The following MTA3 variants were observed in gnomAD, a reference collection of about 807,000 sequenced individuals.
MTA3 encodes the protein metastasis-associated protein MTA3.
Under a neutral mutation model 83.5 loss-of-function variants are expected in MTA3, and 34 were observed. The observed-to-expected ratio is 0.41, with a 90% CI of 0.31 to 0.54. MTA3 has a LOEUF of 0.54. Among genes scored for constraint, MTA3 ranks in the 20% least tolerant of loss-of-function variants. MTA3 has a pLI of 0.33. For synonymous variants in MTA3, 303 were observed against 252.7 expected (o/e 1.20, Z -1.89); for missense variants, 761 against 726.4 (o/e 1.05, Z -0.55).
chr2:42,554,270 A>G (rs1677274422), intron 2 of MTA3, among the ~76,000 whole-genome samples: 1 of 152,116 alleles, frequency 6.6e-6, no homozygotes, highest in Non-Finnish European at 1.5e-5. Flanking sequence ...TTATCTATTC[A>G]TGCCTACCTC....
chr2:42,628,687 T>C (rs1686368762), intron 4 of MTA3, among the ~76,000 whole-genome samples: 1 of 151,928 alleles, frequency 6.6e-6, no homozygotes, highest in Non-Finnish European at 1.5e-5. Context: ...GCTCACTGAA[T>C]AAAAATACCA....
At chr2:42,505,123 G>GTGA (rs1027805371) in intron 2 of MTA3, among the ~76,000 whole-genome samples, 2 of 152,286 alleles carry the variant, frequency 1.3e-5, no homozygotes, top group East Asian at 3.9e-4. Flanking sequence ...GTGGGACGTG[G>GTGA]TGACTCATGA....
rs774928302 is a variant in MTA3, at chr2:42,708,962, C to A, written c.1391C>A (p.Thr464Asn). The A allele has an allele frequency of 5.8e-5, 93 of 1,614,034 alleles. No homozygotes were observed. The South Asian group carries it at 9.8e-4, about 17-fold the overall frequency. Residue 464 changes from threonine to asparagine, a missense_variant, in exon 14 of 17, where the codon ACC (threonine) becomes AAC (asparagine). Transcript: ENST00000405094. ...NTGSPKSAVK[T>N]RQAFFLHTTY... ...GGGAGTCCAAAGTCTGCAGTGAAGA[C>A]CCGCCAAGCTTTCTTCCTTCATACT... is the stretch of plus-strand genomic sequence containing the variant.
At chr2:42,589,808 A>G (rs147276958) in intron 3 of MTA3, among the ~76,000 whole-genome samples, 1 of 152,106 alleles carries the variant, frequency 6.6e-6, no homozygotes, top group South Asian at 2.1e-4. Flanking sequence ...AAACTTTTTG[A>G]TATCTGGGTT....
At chr2:42,743,021 C>T (rs10175423) in intron 16 of MTA3, among the ~76,000 whole-genome samples, 45,429 of 151,974 alleles carry the variant, frequency 0.3, 7,196 homozygotes, top group East Asian at 0.57. Context: ...GAAGGACTCA[C>T]TTAGCTCCCT....
chr2:42,747,244 C>G (rs913540274), intron 16 of MTA3, among the ~76,000 whole-genome samples: 8 of 152,140 alleles, frequency 5.3e-5, no homozygotes, highest in African/African-American at 1.4e-4. Flanking sequence ...AGGTTATCCG[C>G]CCACCTCAGC....
chr2:42,674,256 G>A (rs1414108081), intron 8 of MTA3, among the ~76,000 whole-genome samples: 2 of 152,252 alleles, frequency 1.3e-5, no homozygotes, highest in African/African-American at 2.4e-5. Flanking sequence ...CTCCTGTGGA[G>A]GTGTGGGGGA....
At chr2:42,596,536 G>A (rs1209179750) in intron 3 of MTA3, among the ~76,000 whole-genome samples, 2 of 152,074 alleles carry the variant, frequency 1.3e-5, no homozygotes, top group Non-Finnish European at 2.9e-5. Context: ...TTTATTATTT[G>A]ACAAGTTAAT....
At chr2:42,648,441 T>C (rs947627285) in intron 6 of MTA3, among the ~76,000 whole-genome samples, 3 of 152,204 alleles carry the variant, frequency 2.0e-5, no homozygotes, top group Non-Finnish European at 2.9e-5. Flanking sequence ...GGAATTAATA[T>C]CTTGGGTAGG....
At chr2:42,667,737 T>C (rs1339149762) in intron 8 of MTA3, among the ~76,000 whole-genome samples, 1 of 151,746 alleles carries the variant, frequency 6.6e-6, no homozygotes, top group Non-Finnish European at 1.5e-5. Flanking sequence ...TGGGCTCAAG[T>C]GATCCTCCTA....
chr2:42,568,648 G>T lies in MTA3; in HGVS notation c.-98G>T. 5.6e-6 allele frequency: 4 copies of T among 713,308 alleles called. No homozygotes were observed. The South Asian group carries it at 1.9e-4, about 34-fold the overall frequency. The allele number at this position is 713,308 out of a possible 1,614,324, so 44.2% of individuals were successfully genotyped here. A position where few individuals can be genotyped will look rare whatever the true frequency, so the allele number is the denominator to read the frequency against. On this transcript the variant is annotated 5_prime_UTR_variant, in exon 1 of 17. Coordinates refer to ENST00000405094, the MANE Select transcript of MTA3 (RefSeq NM_001330442.2). ...TTCCCCCCCGTGGCGAGGCAGCAGC[G>T]ACGGCGGCGGCGGCAGCGGCGGTCG...
chr2:42,615,397 C>T lies in MTA3; in HGVS notation c.317+5813C>T, dbSNP rs532667923. The stretch of plus-strand genomic sequence containing the variant: ...ATGGATTCTCGCTCTGTCACCTAGG[C>T]TGGATCTGGGCCTAGTGCTGCGATC... On this transcript the variant is annotated intron_variant, in intron 4 of 16. Transcript: ENST00000405094. Among the ~76,000 whole-genome samples, 89 of 151,892 alleles carry T rather than the reference C, an allele frequency of 5.9e-4. 1 individual carries two copies. The highest frequency in any genetic ancestry group is 6.8e-3 in the Middle Eastern group (2 of 294).
intron 2 of MTA3, among the ~76,000 whole-genome samples, chr2:42,530,667 C>G (rs1028591505): frequency 5.3e-5 from 8 of 151,948 alleles, no homozygotes; most frequent in Middle Eastern, 6.8e-3. Flanking sequence ...TGCCTATAAT[C>G]CCAGCTACTC....
chr2:42,495,865 G>T (rs903520969), intron 2 of MTA3, among the ~76,000 whole-genome samples: 1 of 152,162 alleles, frequency 6.6e-6, no homozygotes, highest in Non-Finnish European at 1.5e-5. Flanking sequence ...ATGAAGAAGG[G>T]TCTGTTCTGA....
intron 3 of MTA3, among the ~76,000 whole-genome samples, chr2:42,605,302 C>T (rs866715836): frequency 8.0e-5 from 2 of 25,152 alleles, no homozygotes; most frequent in Non-Finnish European, 1.5e-4. Context: ...GGCGGCTGGC[C>T]GGGCAGAGGG....
chr2:42,496,499 G>T (rs62144794), intron 2 of MTA3, among the ~76,000 whole-genome samples: 1 of 151,560 alleles, frequency 6.6e-6, no homozygotes. Context: ...TCCTAGACTC[G>T]GGATGGTATT....
Position 42,570,513 on chromosome 2 carries a change from T to G in MTA3, c.96+9T>G. 7.2e-7 allele frequency: 1 copy of G among 1,389,084 alleles called. No individual in the cohort carries two copies. Among genetic ancestry groups the G allele is most frequent in the Non-Finnish European group, 9.7e-7 (1 of 1,035,136 alleles). 86.0% of individuals were successfully genotyped at this position (1,389,084 alleles called of 1,614,324 possible). A position where few individuals can be genotyped will look rare whatever the true frequency, so the allele number is the denominator to read the frequency against. On this transcript the variant is annotated intron_variant, in intron 2 of 16. Transcript: ENST00000405094. The stretch of plus-strand genomic sequence containing the variant: ...TAGAAGAACTCAACAAGGTATACAC[T>G]GAGTGTTCTTAATTTTAATATTAAA...
At chr2:42,595,172 C>T (rs575528870) in intron 3 of MTA3, among the ~76,000 whole-genome samples, 5 of 131,086 alleles carry the variant, frequency 3.8e-5, no homozygotes, top group Admixed American at 9.1e-5. Context: ...TCCAGTGACG[C>T]GATCTCAGCT....
intron 4 of MTA3, among the ~76,000 whole-genome samples, chr2:42,611,148 A>AT (rs1264476289): frequency 6.6e-6 from 1 of 151,422 alleles, no homozygotes; most frequent in Non-Finnish European, 1.5e-5. Context: ...TGCCCAGCTA[A>AT]TTTTTTGTAT....
Sources: gnomAD v4.1 joint callset for allele counts (sites outside exome capture counted in the v4.1 genomes callset) on GRCh38, gnomAD v4.1.1 for gene constraint, MANE v1.5 for transcripts, NCBI Gene and HGNC (gene_info 2026-07-23, HGNC 2026-07-21) for gene names.